Variants in AUTS2 observed in about 807,000 individuals in gnomAD.
AUTS2 encodes the protein activator of transcription and developmental regulator AUTS2, also known as autism susceptibility gene 2 protein.
AUTS2 carries 17 observed loss-of-function variants against 112.4 expected under a neutral mutation model. That is an observed-to-expected ratio of 0.15 (90% CI 0.10 to 0.23). The LOEUF (loss-of-function observed/expected upper bound fraction) is 0.23, where lower values mean the gene tolerates loss of function less well. AUTS2 is among the 10% of genes least tolerant of loss of function. AUTS2 has a pLI of 1.00. For synonymous variants in AUTS2, 751 were observed against 702.7 expected (o/e 1.07, Z -1.09); for missense variants, 1,510 against 1,701.6 (o/e 0.89, Z 1.98).
chr7:69,906,548 G>A (rs541037644), intron 2 of AUTS2, among the ~76,000 whole-genome samples: 77 of 152,322 alleles, frequency 5.1e-4, no homozygotes, highest in African/African-American at 1.8e-3. Context: ...CAGTCTTTCG[G>A]TGACATCTGA....
At chr7:70,545,080 C>T (rs527357252) in intron 5 of AUTS2, among the ~76,000 whole-genome samples, 19 of 152,256 alleles carry the variant, frequency 1.2e-4, no homozygotes, top group African/African-American at 3.4e-4. Flanking sequence ...GACAGTGATT[C>T]GGGAAACAGT....
intron 2 of AUTS2, among the ~76,000 whole-genome samples, chr7:69,932,753 CA>C (rs939623733): frequency 6.6e-6 from 1 of 152,196 alleles, no homozygotes; most frequent in African/African-American, 2.4e-5. Context: ...TGAGTTAGAA[CA>C]AATAATTGTT....
chr7:70,561,174 G>C (rs903560565), intron 5 of AUTS2, among the ~76,000 whole-genome samples: 2 of 152,052 alleles, frequency 1.3e-5, no homozygotes, highest in African/African-American at 2.4e-5. Flanking sequence ...GAGATCACAG[G>C]CTCCCTCTCC....
intron 6 of AUTS2, among the ~76,000 whole-genome samples, chr7:70,722,268 T>TA (rs928352257): frequency 2.0e-5 from 3 of 150,322 alleles, no homozygotes; most frequent in Admixed American, 6.7e-5. Flanking sequence ...ATTTTTTAAT[T>TA]AAAAAAAAAT....
chr7:70,657,556 T>C (rs534838543), intron 5 of AUTS2, among the ~76,000 whole-genome samples: 19 of 152,298 alleles, frequency 1.2e-4, no homozygotes, highest in Non-Finnish European at 2.1e-4. Context: ...TAAAAACCTA[T>C]CAAGACATCA....
rs1427037701 is a variant in AUTS2 at position 69,933,079 on chromosome 7, T to TA, written c.522+33582dup. ...TACACTGGTGTGTTCAGTGTGTAAT[T>TA]ACACTTCCATGCAGTTATTTTTGTT... On this transcript the variant is annotated intron_variant, in intron 2 of 18. Coordinates refer to ENST00000342771, the MANE Select transcript of AUTS2 (RefSeq NM_015570.4). 1.6e-4 allele frequency among the ~76,000 whole-genome samples: 25 copies of TA among 152,366 alleles called. 1 individual carries two copies. In the East Asian group the frequency reaches 1.9e-3, roughly 12 times the overall value.
intron 1 of AUTS2, among the ~76,000 whole-genome samples, chr7:69,663,761 G>A (rs905291797): frequency 1.3e-5 from 2 of 152,122 alleles, no homozygotes; most frequent in African/African-American, 2.4e-5. Context: ...CCAATCTGAA[G>A]GTATAGTGAT....
chr7:70,474,116 A>T (rs901255203), intron 5 of AUTS2, among the ~76,000 whole-genome samples: 9 of 152,148 alleles, frequency 5.9e-5, no homozygotes, highest in African/African-American at 2.2e-4. Flanking sequence ...CCCCTGATGT[A>T]CTCTGGCATC....
At chr7:70,662,623 T>G (rs1174653471) in intron 5 of AUTS2, among the ~76,000 whole-genome samples, 2 of 152,180 alleles carry the variant, frequency 1.3e-5, no homozygotes, top group Non-Finnish European at 2.9e-5. Context: ...GAAATAATAA[T>G]GTCATTTTCC....
At chr7:70,388,517 T>C (rs1258570264) in intron 4 of AUTS2, among the ~76,000 whole-genome samples, 1 of 152,244 alleles carries the variant, frequency 6.6e-6, no homozygotes, top group Non-Finnish European at 1.5e-5. Flanking sequence ...ACACTATTAT[T>C]ATTTTCAGTC....
chr7:70,138,809 G>A (rs1466726056), intron 4 of AUTS2, among the ~76,000 whole-genome samples: 1 of 152,140 alleles, frequency 6.6e-6, no homozygotes. Flanking sequence ...AGTTGTGTAG[G>A]TAGTGCTGGT....
At chr7:70,125,829 G>A (rs912978791) in intron 3 of AUTS2, among the ~76,000 whole-genome samples, 1 of 152,114 alleles carries the variant, frequency 6.6e-6, no homozygotes, top group African/African-American at 2.4e-5. Context: ...AAAAACTCCT[G>A]TTTCATACCT....
intron 1 of AUTS2, among the ~76,000 whole-genome samples, chr7:69,683,283 G>A (rs746704832): frequency 5.9e-5 from 9 of 152,130 alleles, no homozygotes; most frequent in Non-Finnish European, 1.2e-4. Flanking sequence ...CTGGCTGGTC[G>A]CCATGATGTC....
At chr7:70,519,060 A>G (rs1480685071) in intron 5 of AUTS2, among the ~76,000 whole-genome samples, 1 of 150,952 alleles carries the variant, frequency 6.6e-6, no homozygotes, top group Non-Finnish European at 1.5e-5. Context: ...TTTCTCCATT[A>G]AAAAAAAATC....
At chr7:70,788,113 G>C (rs779296515) in intron 18 of AUTS2, among the ~76,000 whole-genome samples, 1 of 151,598 alleles carries the variant, frequency 6.6e-6, no homozygotes, top group African/African-American at 2.4e-5. Context: ...ATATCGTAAC[G>C]CATTCTTGAC....
chr7:70,088,846 C>T (rs762244509), intron 2 of AUTS2, among the ~76,000 whole-genome samples: 3 of 151,994 alleles, frequency 2.0e-5, no homozygotes, highest in South Asian at 2.1e-4. Flanking sequence ...CGCGCCTGTC[C>T]GAGACCCATC....
At chr7:70,781,915 G>A in intron 15 of AUTS2, 159 bp downstream of exon 15, 2 of 854,256 alleles carry the variant, frequency 2.3e-6, no homozygotes, top group East Asian at 2.7e-5. Context: ...CCAGGGAGTT[G>A]GGAATCTTCA....
chr7:69,964,044 A>G (rs985639967), intron 2 of AUTS2, among the ~76,000 whole-genome samples: 1 of 152,178 alleles, frequency 6.6e-6, no homozygotes, highest in Non-Finnish European at 1.5e-5. Context: ...TGGGAGAAAA[A>G]ATGAATAGAA....
At chr7:69,828,326 A>C (rs898779409) in intron 1 of AUTS2, among the ~76,000 whole-genome samples, 1 of 152,134 alleles carries the variant, frequency 6.6e-6, no homozygotes, top group African/African-American at 2.4e-5. Flanking sequence ...TATAATTTCT[A>C]TCTGGTTGTT....
Sources: gnomAD v4.1 joint callset for allele counts (sites outside exome capture counted in the v4.1 genomes callset) on GRCh38, gnomAD v4.1.1 for gene constraint, MANE v1.5 for transcripts, NCBI Gene and HGNC (gene_info 2026-07-23, HGNC 2026-07-21) for gene names.